RRP9: variants seen among roughly 807,000 people sequenced by gnomAD.
RRP9 encodes the protein U3 small nucleolar RNA-interacting protein 2.
A neutral mutation model predicts 65.5 loss-of-function variants in RRP9; 35 were observed. The ratio of observed to expected loss-of-function variants is 0.53; its 90% CI spans 0.41 to 0.71. The LOEUF (loss-of-function observed/expected upper bound fraction) is 0.71, where lower values mean the gene tolerates loss of function less well. RRP9 is among the 30% of genes least tolerant of loss of function. RRP9 has a pLI of 0.00. For missense variants in RRP9, 533 were observed against 633.6 expected, an observed-to-expected ratio of 0.84 and a Z score of 1.70; for synonymous variants, 254 against 245.0, an observed-to-expected ratio of 1.04 and a Z score of -0.34.
rs1204112682 is a variant in RRP9 at position 51,935,218 on chromosome 3, A to G, written c.1013T>C (p.Met338Thr). 5 of 1,611,872 alleles carry G rather than the reference A, an allele frequency of 3.1e-6. No homozygotes were observed. The highest frequency in any genetic ancestry group is 4.2e-6 in the Non-Finnish European group (5 of 1,178,852). Residue 338 changes from methionine (M) to threonine (T), a missense_variant, in exon 11 of 15, where the codon ATG (methionine) becomes ACG (threonine). Physicochemically the swap from Met to Thr is moderately conservative, Grantham distance 81 (BLOSUM62 -1). Transcript: ENST00000232888. ...DCIHLINEEH[M>T]VSGADDGSVA... ...TTACCCATCGTCCGCGCCGGACACC[A>G]TGTGCTCCTCATTGATTAGGTGGAT... is the stretch of plus-strand genomic sequence containing the variant.
chr3:51,935,767 C>G, intron 8 of RRP9, 75 bp from the exon 9 acceptor site: 2 of 1,307,370 alleles, frequency 1.5e-6, no homozygotes, highest in Non-Finnish European at 2.2e-6. Flanking sequence ...CCAGGGAGGA[C>G]TTCCCAAAAA....
chr3:51,934,373 AGGTTC>A lies in RRP9; in HGVS notation c.1260+94_1260+98del. The stretch of plus-strand genomic sequence containing the variant: ...GCTAGGAGCTGGCCCTGCCCTGAGA[AGGTTC>A]CCTTCTGGCAGGAAGAAAGACCTTA... On this transcript the variant is annotated intron_variant, in intron 13 of 14. Transcript: ENST00000232888. The surrounding 1 kb of genome is among the most constrained non-coding windows in gnomAD (Gnocchi z 4.1). The A allele has an allele frequency of 2.3e-6, 3 of 1,279,312 alleles. No homozygotes were observed. The highest frequency in any genetic ancestry group is 1.5e-5 in the African/African-American group (1 of 67,060). The allele number at this position is 1,279,312 out of a possible 1,614,324, so 79.2% of individuals were successfully genotyped here.
In RRP9 at chr3:51,935,435, C is replaced by T. The variant is rs747966492; in HGVS notation, c.878G>A (p.Ser293Asn). ...CCCAGCCGTCACACAGCACTCCCGG[C>T]TCAAGGCATCCAGTGCAGCCACAGC... ...QDAVAALDALSRECCVTAGGR... is the reference protein window; with the variant it reads ...QDAVAALDALNRECCVTAGGR... Residue 293 changes from serine (S) to asparagine (N), a missense_variant, in exon 10 of 15, where the codon AGC becomes AAC. By Grantham distance (46) the Ser-to-Asn change is conservative. This residue lies in a region of RRP9 where 449 missense variants were observed against 550.6 expected (regional missense o/e 0.82). Transcript: ENST00000232888. 1 of 1,614,216 alleles carries T rather than the reference C, an allele frequency of 6.2e-7. No individual in the cohort carries two copies. Among genetic ancestry groups the T allele is most frequent in the South Asian group, 1.1e-5 (1 of 91,090 alleles).
intron 8 of RRP9, 49 bp from the exon 9 acceptor site, chr3:51,935,741 G>T: frequency 6.7e-7 from 1 of 1,498,742 alleles, no homozygotes; most frequent in Non-Finnish European, 9.3e-7. Flanking sequence ...TACAGCAGGC[G>T]AGAGACAGGT....
rs1699429086 is a variant in RRP9 at position 51,934,514 on chromosome 3, C to T, written c.1218G>A (p.Gly406=). The change falls in exon 13 of 15, where the codon GGG becomes GGA. Residue 406 remains glycine (G), a synonymous_variant. Transcript: ENST00000232888. The surrounding 1 kb of genome is among the most constrained non-coding windows in gnomAD (Gnocchi z 4.1). ...HSSCVRLWQC[G]EGFRQLDLLC... ...GAAGGTCAAGCTGCCGGAAGCCTTC[C>T]CCACACTGCCAAAGCCGCACACAGG... 1.2e-6 allele frequency: 2 copies of T among 1,614,074 alleles called. No individual in the cohort carries two copies. The highest frequency in any genetic ancestry group is 1.7e-6 in the Non-Finnish European group (2 of 1,179,950).
At position 51,937,901 on chromosome 3, in the gene RRP9, A is replaced by T. The variant is rs560082564; in HGVS notation, c.281-165T>A. ...GTTTCCTCCTGCCTTTACTTATCAGATCAGCCCCCTGCGGGCTCCCCAGGA... is the reference window on the plus strand; with the variant it reads ...GTTTCCTCCTGCCTTTACTTATCAGTTCAGCCCCCTGCGGGCTCCCCAGGA... On this transcript the variant is annotated intron_variant, in intron 3 of 14. Coordinates refer to ENST00000232888, the MANE Select transcript of RRP9 (RefSeq NM_004704.5). The surrounding 1 kb of genome is among the most constrained non-coding windows in gnomAD (Gnocchi z 5.0). Among the ~76,000 whole-genome samples the T allele has an allele frequency of 1.1e-4, 16 of 152,314 alleles. No homozygotes were observed. Among genetic ancestry groups the T allele is most frequent in the African/African-American group, 3.6e-4 (15 of 41,570 alleles).
At chr3:51,938,774 T>C (rs1412286622) in intron 2 of RRP9, among the ~76,000 whole-genome samples, 1 of 152,106 alleles carries the variant, frequency 6.6e-6, no homozygotes, top group Admixed American at 6.5e-5. Flanking sequence ...AAACCAGAGA[T>C]GCGACACAAG....
Position 51,934,638 on chromosome 3 carries a change from C to T in RRP9, c.1173G>A (p.Val391=). The change falls in exon 12 of 15, where the codon GTG becomes GTA. Residue 391 remains valine (V), a synonymous_variant. Coordinates refer to ENST00000232888, the MANE Select transcript of RRP9 (RefSeq NM_004704.5). The surrounding 1 kb of genome is among the most constrained non-coding windows in gnomAD (Gnocchi z 4.1). The part of the protein sequence containing the change: ...SVAALLNTDL[V]ATGSHSSCVR... ...GCCTCTCAGGGCACCCACCTGTGGC[C>T]ACAAGGTCTGTGTTGAGGAGGGCTG... The T allele has an allele frequency of 6.2e-7, 1 of 1,614,120 alleles. No individual in the cohort carries two copies. Among genetic ancestry groups the T allele is most frequent in the Non-Finnish European group, 8.5e-7 (1 of 1,180,026 alleles).
Position 51,936,437 on chromosome 3 carries a change from C to T in RRP9, c.636G>A (p.Lys212=). 1 of 1,614,242 alleles carries T rather than the reference C, an allele frequency of 6.2e-7. No homozygotes were observed. ...VLCMAISSDG[K]YLASGDRSKL... is the part of the protein sequence containing the mutation. ...AGGGCCAACCTGGCCTTACAAGGTA[C>T]TTGCCGTCGGAGGAGATGGCCATGC... is the stretch of plus-strand genomic sequence containing the variant. Residue 212 remains lysine, a synonymous_variant, in exon 7 of 15, where the codon AAG becomes AAA. Transcript: ENST00000232888.
rs768326923 is a variant in RRP9, at chr3:51,941,542, A to G, written c.88-51T>C. The G allele has an allele frequency of 3.4e-5, 52 of 1,522,662 alleles. 1 individual carries two copies. In the South Asian group the frequency reaches 5.7e-4, roughly 17 times the overall value. 94.3% of individuals were successfully genotyped at this position (1,522,662 alleles called of 1,614,324 possible). A position where few individuals can be genotyped will look rare whatever the true frequency, so the allele number is the denominator to read the frequency against. ...GGTCAGGGGTCCAGACCACCCTGGC[A>G]TTGACCAAGGGCCCCCCCCCCTCGG... On this transcript the variant is annotated intron_variant, in intron 1 of 14. Transcript: ENST00000232888.
chr3:51,933,471 G>A lies in RRP9; in HGVS notation c.*35C>T. On this transcript the variant is annotated 3_prime_UTR_variant, in exon 15 of 15. Coordinates refer to ENST00000232888, the MANE Select transcript of RRP9 (RefSeq NM_004704.5). ...TTTAATACAAAGAGGGTGGGGCATA[G>A]CCTGGGAAGGACTTAAATAAGGAGG... 6.5e-7 allele frequency: 1 copy of A among 1,547,724 alleles called. No homozygotes were observed. Among genetic ancestry groups the A allele is most frequent in the South Asian group, 1.1e-5 (1 of 89,576 alleles).
chr3:51,941,320 C>T, intron 2 of RRP9, 89 bp downstream of exon 2: 1 of 1,113,858 alleles, frequency 9.0e-7, no homozygotes, highest in South Asian at 1.2e-5. Context: ...GTCTTGGATT[C>T]TAGGCTCAGT....
At chr3:51,936,927 T>C (rs1235489973) in intron 6 of RRP9, among the ~76,000 whole-genome samples, 2 of 152,230 alleles carry the variant, frequency 1.3e-5, no homozygotes, top group African/African-American at 2.4e-5. Context: ...AAATGTCTTC[T>C]AGTCCAACCA....
intron 2 of RRP9, among the ~76,000 whole-genome samples, chr3:51,938,478 C>G (rs906732789): frequency 6.6e-6 from 1 of 152,120 alleles, no homozygotes; most frequent in Admixed American, 6.5e-5. Context: ...CCAAGAGAAA[C>G]CAGGCTTCCA....
chr3:51,936,422 T>A lies in RRP9; in HGVS notation c.642+9A>T, dbSNP rs1431593453. 16 of 1,614,110 alleles carry A rather than the reference T, an allele frequency of 9.9e-6. No individual in the cohort carries two copies. The highest frequency in any genetic ancestry group is 1.4e-5 in the Non-Finnish European group (16 of 1,180,046). On this transcript the variant is annotated intron_variant, in intron 7 of 14. Coordinates refer to ENST00000232888, the MANE Select transcript of RRP9 (RefSeq NM_004704.5). ...CTCCCGCCTGCCCCCAGGGCCAACCTGGCCTTACAAGGTACTTGCCGTCGG... is the reference window on the plus strand; with the variant it reads ...CTCCCGCCTGCCCCCAGGGCCAACCAGGCCTTACAAGGTACTTGCCGTCGG...
chr3:51,933,931 G>C (rs899196904), intron 13 of RRP9, 150 bp from the exon 14 acceptor site: 1 of 725,780 alleles, frequency 1.4e-6, no homozygotes. Flanking sequence ...CCCTTCACTT[G>C]TCAGGGCCTC....
At chr3:51,941,603 T>C in intron 1 of RRP9, 112 bp from the exon 2 acceptor site, 1 of 1,175,472 alleles carries the variant, frequency 8.5e-7, no homozygotes, top group Non-Finnish European at 1.3e-6. Context: ...AAGGCGGTGG[T>C]TCCCGGGTTA....
At position 51,937,862 on chromosome 3, in the gene RRP9, G is replaced by A. The variant is rs181883644; in HGVS notation, c.281-126C>T. 1.7e-5 allele frequency: 20 copies of A among 1,211,516 alleles called. No homozygotes were observed. The highest frequency in any genetic ancestry group is 2.1e-5 in the Non-Finnish European group (18 of 853,764). 75.0% of individuals were successfully genotyped at this position (1,211,516 alleles called of 1,614,324 possible). ...GCTCCAGCTGCCTCAGCAGAGGGGA[G>A]GGCAAGCTGGAGGGTTTCCTCCTGC... is the stretch of plus-strand genomic sequence containing the variant. On this transcript the variant is annotated intron_variant, in intron 3 of 14. Coordinates refer to ENST00000232888, the MANE Select transcript of RRP9 (RefSeq NM_004704.5). This position sits in a 1 kb window ranked among gnomAD's most constrained non-coding sequence, Gnocchi z 5.0.
At position 51,936,591 on chromosome 3, in the gene RRP9, G is replaced by T. The variant is rs747742851; in HGVS notation, c.518-36C>A. ...GGGTGGGGGAGAAGCTACTGGGATGGGGGGATAGGGCTGGCTGGCAACCCC... is the reference window on the plus strand; with the variant it reads ...GGGTGGGGGAGAAGCTACTGGGATGTGGGGATAGGGCTGGCTGGCAACCCC... On this transcript the variant is annotated intron_variant, in intron 6 of 14. Transcript: ENST00000232888. 3.2e-5 allele frequency: 51 copies of T among 1,602,738 alleles called. No homozygotes were observed. In the Admixed American group the frequency reaches 8.4e-4, roughly 26 times the overall value.
Sources: allele counts gnomAD v4.1 joint callset (sites outside exome capture counted in the v4.1 genomes callset), GRCh38; gene constraint gnomAD v4.1.1; regional missense constraint gnomAD v4.1.1; non-coding constraint Gnocchi (gnomAD v3.1); transcripts MANE v1.5; gene names NCBI Gene and HGNC (gene_info 2026-07-23, HGNC 2026-07-21).